Variants in CNTNAP2 observed in about 807,000 individuals in gnomAD.
The protein encoded by CNTNAP2 is contactin associated protein 2.
A neutral mutation model predicts 155.2 loss-of-function variants in CNTNAP2; 98 were observed. The ratio of observed to expected loss-of-function variants is 0.63; its 90% confidence interval spans 0.54 to 0.75. The LOEUF (loss-of-function observed/expected upper bound fraction) is 0.75. Among genes scored for constraint, CNTNAP2 ranks in the 30% least tolerant of loss-of-function variants. The pLI is 0.00. For synonymous variants in CNTNAP2, 651 were observed against 631.2 expected, an observed-to-expected ratio of 1.03 and a Z score of -0.47; for missense variants, 1,727 against 1,688.1, an observed-to-expected ratio of 1.02 and a Z score of -0.40.
intron 1 of CNTNAP2, among the ~76,000 whole-genome samples, chr7:146,703,062 A>C (rs1221232943): frequency 6.6e-6 from 1 of 152,160 alleles, no homozygotes; most frequent in Non-Finnish European, 1.5e-5. Context: ...CCTTCCAATA[A>C]ATTCTTAACC....
At chr7:146,794,383 G>A (rs1388109912) in intron 2 of CNTNAP2, among the ~76,000 whole-genome samples, 1 of 152,102 alleles carries the variant, frequency 6.6e-6, no homozygotes, top group Non-Finnish European at 1.5e-5. Flanking sequence ...AAGTTGATAG[G>A]AAGACATTAT....
intron 15 of CNTNAP2, among the ~76,000 whole-genome samples, chr7:148,029,471 G>A (rs1420557922): frequency 6.6e-6 from 1 of 152,248 alleles, no homozygotes; most frequent in African/African-American, 2.4e-5. Flanking sequence ...AGAAATGAAG[G>A]AGTTGCATAA....
At chr7:146,891,505 G>C (rs1795776288) in intron 3 of CNTNAP2, among the ~76,000 whole-genome samples, 1 of 152,122 alleles carries the variant, frequency 6.6e-6, no homozygotes, top group Non-Finnish European at 1.5e-5. Flanking sequence ...AAAGTCAGAA[G>C]TTATGCAAAA....
intron 18 of CNTNAP2, among the ~76,000 whole-genome samples, chr7:148,173,540 C>T (rs1473534169): frequency 6.6e-6 from 1 of 152,164 alleles, no homozygotes; most frequent in Admixed American, 6.5e-5. Context: ...TACTGTTTGG[C>T]AGCGCTATAA....
chr7:147,676,971 G>A (rs559815233), intron 13 of CNTNAP2, among the ~76,000 whole-genome samples: 18 of 151,800 alleles, frequency 1.2e-4, no homozygotes, highest in African/African-American at 4.4e-4. Context: ...TGCAGCGAAC[G>A]TGAGAATGTA....
At chr7:147,083,566 A>C (rs1800189023) in intron 4 of CNTNAP2, among the ~76,000 whole-genome samples, 1 of 144,086 alleles carries the variant, frequency 6.9e-6, no homozygotes, top group African/African-American at 2.6e-5. Context: ...ATATATATAC[A>C]CATATATATG....
chr7:147,829,842 A>G (rs1798519642), intron 13 of CNTNAP2, among the ~76,000 whole-genome samples: 1 of 152,008 alleles, frequency 6.6e-6, no homozygotes, highest in Non-Finnish European at 1.5e-5. Flanking sequence ...TTTGTGGGGA[A>G]TACAGAGCAG....
chr7:146,344,470 C>A (rs564488457), intron 1 of CNTNAP2, among the ~76,000 whole-genome samples: 2 of 144,744 alleles, frequency 1.4e-5, no homozygotes, highest in African/African-American at 2.5e-5. Context: ...ATTGAACTAG[C>A]TTTTTTTTTT....
chr7:147,540,631 G>A (rs982787672), intron 11 of CNTNAP2, among the ~76,000 whole-genome samples: 1 of 152,140 alleles, frequency 6.6e-6, no homozygotes, highest in African/African-American at 2.4e-5. Context: ...AGGAGATCGA[G>A]AGCATCCTGG....
chr7:148,320,409 G>T, intron 21 of CNTNAP2, among the ~76,000 whole-genome samples: 3 of 133,038 alleles, frequency 2.3e-5, no homozygotes, highest in Admixed American at 1.6e-4. Context: ...TTTGAGATGG[G>T]GTCTCCATAG....
chr7:147,957,333 T>G (rs2249958), intron 14 of CNTNAP2, among the ~76,000 whole-genome samples: 1 of 151,992 alleles, frequency 6.6e-6, no homozygotes, highest in Admixed American at 6.6e-5. Flanking sequence ...TCTAAACTAA[T>G]GAAGAAAAGG....
At chr7:147,502,653 C>T (rs955870965) in intron 11 of CNTNAP2, among the ~76,000 whole-genome samples, 17 of 151,688 alleles carry the variant, frequency 1.1e-4, no homozygotes, top group African/African-American at 3.9e-4. Flanking sequence ...AGTGTTCTCA[C>T]ACAAAAAAGA....
chr7:147,288,961 A>G (rs1415573232), intron 8 of CNTNAP2, among the ~76,000 whole-genome samples: 1 of 152,000 alleles, frequency 6.6e-6, no homozygotes, highest in African/African-American at 2.4e-5. Context: ...AATAATAATG[A>G]TAAAAGCTGC....
chr7:147,307,024 G>A (rs1795042049), intron 9 of CNTNAP2, among the ~76,000 whole-genome samples: 1 of 152,098 alleles, frequency 6.6e-6, no homozygotes, highest in Non-Finnish European at 1.5e-5. Context: ...AATAAATTAA[G>A]TCATCTTTTT....
intron 15 of CNTNAP2, among the ~76,000 whole-genome samples, chr7:148,108,511 C>T (rs957654394): frequency 1.3e-5 from 2 of 152,068 alleles, no homozygotes; most frequent in African/African-American, 4.8e-5. Flanking sequence ...AGGAAGTGAC[C>T]GCTGCAGGCT....
At position 146,931,968 on chromosome 7, in the gene CNTNAP2, C is replaced by T. The variant is rs563169164; in HGVS notation, c.402+92064C>T. Among the ~76,000 whole-genome samples, 1,511 of 151,542 alleles carry T rather than the reference C, an allele frequency of 1.0e-2. 22 individuals are homozygous for T. Among genetic ancestry groups the T allele is most frequent in the African/African-American group, 0.035 (1,441 of 41,216 alleles). On this transcript the variant is annotated intron_variant, in intron 3 of 23. Transcript: ENST00000361727. ...CAATAGCTTACCAACCAAAAAGAGT[C>T]CAGGACCAGATGGATTCACAGCCGA... is the stretch of plus-strand genomic sequence containing the variant.
At chr7:146,692,430 T>C (rs1262417822) in intron 1 of CNTNAP2, among the ~76,000 whole-genome samples, 1 of 152,178 alleles carries the variant, frequency 6.6e-6, no homozygotes, top group East Asian at 1.9e-4. Context: ...AATCAGTGCT[T>C]GCTAATTGTG....
At chr7:146,555,349 T>A (rs923418034) in intron 1 of CNTNAP2, among the ~76,000 whole-genome samples, 7 of 152,158 alleles carry the variant, frequency 4.6e-5, no homozygotes, top group South Asian at 2.1e-4. Context: ...ACTTTATCTA[T>A]TATCTATCTA....
chr7:146,847,634 T>G (rs1794785153), intron 3 of CNTNAP2, among the ~76,000 whole-genome samples: 1 of 152,204 alleles, frequency 6.6e-6, no homozygotes, highest in African/African-American at 2.4e-5. Flanking sequence ...TAAAATAGCC[T>G]GTTACTTCCA....
Sources: allele counts gnomAD v4.1 joint callset (sites outside exome capture counted in the v4.1 genomes callset), GRCh38; gene constraint gnomAD v4.1.1; transcripts MANE v1.5; gene names NCBI Gene and HGNC (gene_info 2026-07-23, HGNC 2026-07-21).